SERINC5: variants seen among roughly 807,000 people sequenced by gnomAD.
SERINC5 encodes chromosome 5 open reading frame 12.
A neutral mutation model predicts 63.1 loss-of-function variants in SERINC5; 41 were observed. That is an observed-to-expected ratio of 0.65 (90% CI 0.51 to 0.84). SERINC5 has a LOEUF of 0.84. Among genes scored for constraint, SERINC5 ranks in the 40% least tolerant of loss-of-function variants. The probability of loss-of-function intolerance (pLI) is 0.00; values close to 1 mark genes in which losing one functional copy is unlikely to be tolerated. For synonymous variants in SERINC5, 222 were observed against 215.2 expected (o/e 1.03, Z -0.28); for missense variants, 523 against 573.0 (o/e 0.91, Z 0.89).
chr5:80,233,582 A>G (rs973416946), intron 1 of SERINC5, among the ~76,000 whole-genome samples: 3 of 152,114 alleles, frequency 2.0e-5, no homozygotes, highest in African/African-American at 7.2e-5. Context: ...CCACTTTAAG[A>G]ATAAAAATAA....
At chr5:80,204,265 T>C (rs1042747099) in intron 1 of SERINC5, among the ~76,000 whole-genome samples, 1 of 152,194 alleles carries the variant, frequency 6.6e-6, no homozygotes, top group Non-Finnish European at 1.5e-5. Context: ...GTCAGAAGTA[T>C]GGAAGGCCTA....
chr5:80,255,940 A>G lies in SERINC5; in HGVS notation c.-18T>C, dbSNP rs1752663255. The G allele has an allele frequency of 8.4e-6, 13 of 1,542,434 alleles. No individual in the cohort carries two copies. The highest frequency in any genetic ancestry group is 1.1e-5 in the Non-Finnish European group (13 of 1,153,384). On this transcript the variant is annotated 5_prime_UTR_variant, in exon 1 of 12. Coordinates refer to ENST00000507668, the MANE Select transcript of SERINC5 (RefSeq NM_001174072.3). ...GCTGACATCGCGGCGGCCAATGCCG[A>G]AGGCGCGCTCGCTGGCTCCCCGCGC... is the stretch of plus-strand genomic sequence containing the variant.
Position 80,142,467 on chromosome 5 carries a change from C to T in SERINC5, c.*1196G>A. ...AGGCTGGTCTTGCAACTCCTGACCTCAAGTGATCCGCCTGCCTCTGCGCAC... is the reference window on the plus strand; with the variant it reads ...AGGCTGGTCTTGCAACTCCTGACCTTAAGTGATCCGCCTGCCTCTGCGCAC... On this transcript the variant is annotated 3_prime_UTR_variant, in exon 12 of 12. Coordinates refer to ENST00000507668, the MANE Select transcript of SERINC5 (RefSeq NM_001174072.3). 1.0e-6 allele frequency: 1 copy of T among 982,728 alleles called. No individual in the cohort carries two copies. 60.9% of individuals were successfully genotyped at this position (982,728 alleles called of 1,614,324 possible). A position where few individuals can be genotyped will look rare whatever the true frequency, so the allele number is the denominator to read the frequency against.
chr5:80,139,614 G>GAGAGAGA lies in SERINC5; in HGVS notation c.*4048_*4049insTCTCTCT. 1.0e-6 allele frequency: 1 copy of GAGAGAGA among 984,918 alleles called. No individual in the cohort carries two copies. The highest frequency in any genetic ancestry group is 6.1e-5 in the Admixed American group (1 of 16,278). 61.0% of individuals were successfully genotyped at this position (984,918 alleles called of 1,614,324 possible). ...AGAAGAAAAGAGAGAGAGAGAGAAA[G>GAGAGAGA]GTCTAAACATCTGTGTGAACAGCTC... On this transcript the variant is annotated 3_prime_UTR_variant, in exon 12 of 12. Transcript: ENST00000507668.
intron 10 of SERINC5, 86 bp from the exon 11 acceptor site, chr5:80,146,320 G>A (rs1745823947): frequency 6.7e-7 from 1 of 1,485,788 alleles, no homozygotes; most frequent in Non-Finnish European, 9.2e-7. Context: ...ATTCTACAGG[G>A]CTGTCAGTAG....
At chr5:80,134,337 T>C (rs934860012), downstream of SERINC5, among the ~76,000 whole-genome samples, 7 of 151,986 alleles carry the variant, frequency 4.6e-5, no homozygotes, top group Non-Finnish European at 8.8e-5. Context: ...AATACAAAAA[T>C]TAGTCTGGCG....
At chr5:80,178,815 G>A (rs563040196) in intron 2 of SERINC5, among the ~76,000 whole-genome samples, 2,848 of 151,816 alleles carry the variant, frequency 0.019, 83 homozygotes, top group African/African-American at 0.065. Flanking sequence ...ACAATTGGTG[G>A]GTAGAGTATT....
intron 2 of SERINC5, among the ~76,000 whole-genome samples, chr5:80,188,437 A>G (rs114863914): frequency 0.017 from 2,569 of 152,266 alleles, 71 homozygotes; most frequent in African/African-American, 0.059. Flanking sequence ...TCAATGCCTC[A>G]ATTCTAACTT....
intron 8 of SERINC5, 57 bp downstream of exon 8, chr5:80,158,779 C>A: frequency 1.9e-6 from 3 of 1,553,286 alleles, no homozygotes; most frequent in Non-Finnish European, 2.6e-6. Context: ...TATTTCAATT[C>A]TTTTCCTGTA....
chr5:80,253,152 C>A (rs1414108435), intron 1 of SERINC5, among the ~76,000 whole-genome samples: 3 of 152,306 alleles, frequency 2.0e-5, no homozygotes, highest in African/African-American at 7.2e-5. Context: ...CACTTCTAAT[C>A]CTTGCTCAAA....
chr5:80,246,926 G>C (rs764111617), intron 1 of SERINC5, among the ~76,000 whole-genome samples: 18 of 152,196 alleles, frequency 1.2e-4, no homozygotes, highest in Non-Finnish European at 2.4e-4. Flanking sequence ...CAGTGATTTA[G>C]AGAGGTAACT....
chr5:80,178,164 G>A (rs1748166693), intron 2 of SERINC5, 100 bp from the exon 3 acceptor site: 1 of 646,144 alleles, frequency 1.5e-6, no homozygotes, highest in Non-Finnish European at 2.6e-6. Context: ...CTGTGGAAAT[G>A]GATCGTGTGC....
intron 1 of SERINC5, among the ~76,000 whole-genome samples, chr5:80,216,604 A>G (rs1459625603): frequency 6.6e-6 from 1 of 152,244 alleles, no homozygotes; most frequent in Non-Finnish European, 1.5e-5. Context: ...TGAGTTAAGT[A>G]AGTTCTATTA....
intron 11 of SERINC5, among the ~76,000 whole-genome samples, chr5:80,117,642 GAA>G (rs11431034): frequency 2.4e-5 from 3 of 124,548 alleles, no homozygotes; most frequent in South Asian, 2.9e-4. Flanking sequence ...TGTGGCTACT[GAA>G]AAAAAAAAAA....
intron 1 of SERINC5, among the ~76,000 whole-genome samples, chr5:80,236,404 G>T (rs756802896): frequency 7.2e-5 from 11 of 151,856 alleles, no homozygotes; most frequent in Non-Finnish European, 1.5e-4. Flanking sequence ...CACCGCCTCT[G>T]AACTATATGC....
chr5:80,239,163 C>G (rs1561449752), intron 1 of SERINC5, among the ~76,000 whole-genome samples: 1 of 152,230 alleles, frequency 6.6e-6, no homozygotes, highest in Non-Finnish European at 1.5e-5. Context: ...CAGATTCTCA[C>G]AACCCCATGG....
intron 8 of SERINC5, among the ~76,000 whole-genome samples, chr5:80,154,242 C>G (rs935268571): frequency 1.3e-5 from 2 of 151,842 alleles, no homozygotes; most frequent in African/African-American, 4.8e-5. Context: ...TGCAATGGCT[C>G]GATGTCGGCT....
intron 1 of SERINC5, among the ~76,000 whole-genome samples, chr5:80,254,250 C>T (rs1463374136): frequency 1.3e-5 from 2 of 152,274 alleles, no homozygotes; most frequent in Middle Eastern, 3.4e-3. Context: ...AACTTCCTAC[C>T]GCCCCATCCA....
chr5:80,169,881 G>A (rs1310500085), intron 5 of SERINC5, among the ~76,000 whole-genome samples: 1 of 152,178 alleles, frequency 6.6e-6, no homozygotes, highest in Non-Finnish European at 1.5e-5. Context: ...ATCAGCCGAG[G>A]TGTACTGAGC....
Sources: gnomAD v4.1 joint callset for allele counts (sites outside exome capture counted in the v4.1 genomes callset) on GRCh38, gnomAD v4.1.1 for gene constraint, MANE v1.5 for transcripts, NCBI Gene and HGNC (gene_info 2026-07-23, HGNC 2026-07-21) for gene names.